The following ABLIM1 variants were observed in gnomAD, a reference collection of about 807,000 sequenced individuals.
ABLIM1 encodes actin binding LIM protein 1, also known as actin-binding LIM protein 1.
A neutral mutation model predicts 107.0 loss-of-function variants in ABLIM1; 40 were observed. The observed-to-expected ratio is 0.37, with a 90% CI of 0.29 to 0.49. The LOEUF (loss-of-function observed/expected upper bound fraction) is 0.49. ABLIM1 is among the 20% of genes least tolerant of loss of function. The pLI is 0.97. For synonymous variants in ABLIM1, 357 were observed against 357.3 expected (o/e 1.00, Z 0.01); for missense variants, 857 against 1,008.5 (o/e 0.85, Z 2.04).
At chr10:114,771,609 T>C (rs1186400269), upstream of ABLIM1, among the ~76,000 whole-genome samples, 1 of 152,232 alleles carries the variant, frequency 6.6e-6, no homozygotes, top group East Asian at 1.9e-4. Context: ...CTTCCAATCA[T>C]ACAGCAACCA....
At chr10:114,613,371 A>G (rs944621975) in intron 1 of ABLIM1, among the ~76,000 whole-genome samples, 11 of 152,272 alleles carry the variant, frequency 7.2e-5, no homozygotes, top group South Asian at 2.1e-4. Context: ...TCCCAACTGT[A>G]TGGTTGACTC....
intron 1 of ABLIM1, among the ~76,000 whole-genome samples, chr10:114,734,022 G>A (rs560889841): frequency 1.4e-3 from 212 of 152,048 alleles, no homozygotes; most frequent in African/African-American, 4.9e-3. Flanking sequence ...CACCATGCCC[G>A]GCTGATTTTT....
the ABLIM1 span, chr10:114,777,840 C>G: frequency 1.3e-5 from 2 of 152,276 alleles, no homozygotes; most frequent in Non-Finnish European, 1.5e-5. Context: ...ACTCCCCTCT[C>G]TCTGCAATGT....
At chr10:114,777,139 G>T in the ABLIM1 span, among the ~76,000 whole-genome samples, 1 of 151,322 alleles carries the variant, frequency 6.6e-6, no homozygotes, top group African/African-American at 2.4e-5. Flanking sequence ...GATTTTTTCT[G>T]TTTCAATTTG....
intron 4 of ABLIM1, among the ~76,000 whole-genome samples, chr10:114,562,255 C>T (rs951268039): frequency 7.2e-5 from 11 of 152,168 alleles, no homozygotes; most frequent in Non-Finnish European, 1.0e-4. Flanking sequence ...TTTGGCCAGG[C>T]GCGGTGGCTC....
intron 1 of ABLIM1, among the ~76,000 whole-genome samples, chr10:114,728,505 C>T (rs1473601413): frequency 5.9e-5 from 4 of 68,014 alleles, no homozygotes; most frequent in South Asian, 4.4e-4. Context: ...TCATAAAATA[C>T]GATAAGGCAG....
chr10:114,658,877 T>A (rs2079653390), upstream of ABLIM1, among the ~76,000 whole-genome samples: 2 of 152,172 alleles, frequency 1.3e-5, no homozygotes, highest in African/African-American at 4.8e-5. Flanking sequence ...CAGAATCATA[T>A]GATGGAGACA....
intron 1 of ABLIM1, among the ~76,000 whole-genome samples, chr10:114,704,302 C>CTCTCTCTCTCTCTCTATATATA (rs1380460034): frequency 2.3e-5 from 1 of 43,058 alleles, no homozygotes; most frequent in Non-Finnish European, 4.7e-5. Flanking sequence ...CTCTCTCTCT[C>CTCTCTCTCTCTCTCTATATATA]TATATATATA....
chr10:114,755,935 G>T (rs1489282500), intron 1 of ABLIM1, among the ~76,000 whole-genome samples: 1 of 152,004 alleles, frequency 6.6e-6, no homozygotes, highest in Non-Finnish European at 1.5e-5. Context: ...TTAGAAGGTC[G>T]AGACACTCTC....
At chr10:114,751,528 G>C (rs2082510605) in intron 1 of ABLIM1, among the ~76,000 whole-genome samples, 1 of 151,974 alleles carries the variant, frequency 6.6e-6, no homozygotes, top group African/African-American at 2.4e-5. Context: ...TGAGGCGGCA[G>C]ATCACGATGC....
chr10:114,459,983 A>C (rs943601466), intron 12 of ABLIM1, among the ~76,000 whole-genome samples: 1 of 152,232 alleles, frequency 6.6e-6, no homozygotes, highest in Non-Finnish European at 1.5e-5. Flanking sequence ...TCTATGGAAA[A>C]GTAAATATTT....
At chr10:114,621,818 T>C (rs979679592) in intron 1 of ABLIM1, among the ~76,000 whole-genome samples, 2 of 152,224 alleles carry the variant, frequency 1.3e-5, no homozygotes, top group Non-Finnish European at 2.9e-5. Flanking sequence ...TCAAGAAAAT[T>C]GTAATGTGAT....
chr10:114,572,923 C>T (rs2071908175), intron 3 of ABLIM1, among the ~76,000 whole-genome samples: 1 of 152,138 alleles, frequency 6.6e-6, no homozygotes, highest in African/African-American at 2.4e-5. Flanking sequence ...GAATAAGTGC[C>T]CTTTACCTGT....
chr10:114,579,181 A>ATT (rs5788072), intron 2 of ABLIM1, among the ~76,000 whole-genome samples: 3 of 151,916 alleles, frequency 2.0e-5, no homozygotes, highest in East Asian at 3.9e-4. Flanking sequence ...TAGTAAAACA[A>ATT]TTTTTTTTAA....
At chr10:114,440,226 G>T in intron 19 of ABLIM1, 137 bp from the exon 20 acceptor site, 1 of 876,046 alleles carries the variant, frequency 1.1e-6, no homozygotes, top group Non-Finnish European at 1.8e-6. Context: ...CCCAGACTCT[G>T]CACATGTTAT....
At chr10:114,686,143 T>C (rs547847096), upstream of ABLIM1, among the ~76,000 whole-genome samples, 1 of 152,288 alleles carries the variant, frequency 6.6e-6, no homozygotes, top group African/African-American at 2.4e-5. Flanking sequence ...AATAAAGTGA[T>C]TCTTTCCTAA....
At chr10:114,759,729 C>G (rs1254836206) in intron 1 of ABLIM1, among the ~76,000 whole-genome samples, 2 of 152,018 alleles carry the variant, frequency 1.3e-5, no homozygotes, top group Non-Finnish European at 2.9e-5. Flanking sequence ...AGCTATTGAT[C>G]AAAAGTCGAT....
intron 4 of ABLIM1, among the ~76,000 whole-genome samples, chr10:114,556,879 C>G (rs2497732): frequency 0.37 from 56,691 of 152,052 alleles, 13,903 homozygotes; most frequent in African/African-American, 0.7. Context: ...AAACACCATG[C>G]GTATGAGGTC....
At chr10:114,681,857 G>T (rs563850062) in intron 1 of ABLIM1, among the ~76,000 whole-genome samples, 2 of 152,184 alleles carry the variant, frequency 1.3e-5, no homozygotes, top group Non-Finnish European at 2.9e-5. Context: ...CCTGGGGCAC[G>T]TTCCTGGCAA....
Sources: gnomAD v4.1 joint callset for allele counts (sites outside exome capture counted in the v4.1 genomes callset) on GRCh38, gnomAD v4.1.1 for gene constraint, MANE v1.5 for transcripts, NCBI Gene and HGNC (gene_info 2026-07-23, HGNC 2026-07-21) for gene names.